Variants in CACNA1A observed in about 807,000 individuals in gnomAD.
CACNA1A encodes the protein calcium voltage-gated channel subunit alpha1 A.
CACNA1A carries 57 observed loss-of-function variants against 262.4 expected under a neutral mutation model. The ratio of observed to expected loss-of-function variants is 0.22; its 90% CI spans 0.18 to 0.27. The LOEUF is 0.27. Ranked by LOEUF, CACNA1A falls within the 10% of genes least tolerant of loss-of-function variation. The pLI, the probability that CACNA1A is intolerant of heterozygous loss-of-function variation, is 1.00. For synonymous variants in CACNA1A, 1,431 were observed against 1,419.3 expected (o/e 1.01, Z -0.18); for missense variants, 2,526 against 3,562.8 (o/e 0.71, Z 7.41).
intron 3 of CACNA1A, among the ~76,000 whole-genome samples, chr19:13,428,213 C>T (rs1206325424): frequency 6.6e-6 from 1 of 152,208 alleles, no homozygotes; most frequent in Non-Finnish European, 1.5e-5. Context: ...TAGGCGTGAG[C>T]CACTGCGCAG....
chr19:13,440,195 C>T (rs1016423865), intron 3 of CACNA1A, among the ~76,000 whole-genome samples: 1 of 152,008 alleles, frequency 6.6e-6, no homozygotes, highest in Non-Finnish European at 1.5e-5. Context: ...CTGGGCTTGG[C>T]TCAAGCTATC....
intron 3 of CACNA1A, among the ~76,000 whole-genome samples, chr19:13,386,181 T>A (rs1272038811): frequency 2.0e-5 from 3 of 147,252 alleles, no homozygotes; most frequent in East Asian, 4.0e-4. Context: ...AGAAGAAGAA[T>A]GGAAGACACA....
At chr19:13,487,472 T>C (rs2145109748) in intron 1 of CACNA1A, among the ~76,000 whole-genome samples, 1 of 151,926 alleles carries the variant, frequency 6.6e-6, no homozygotes, top group East Asian at 1.9e-4. Flanking sequence ...AGAAGATTAG[T>C]AGTTGCCAGG....
chr19:13,229,850 C>A, intron 36 of CACNA1A: 3 of 431,694 alleles, frequency 6.9e-6, no homozygotes, highest in Non-Finnish European at 1.2e-5. Flanking sequence ...GGTTGACGCC[C>A]TCCCTCATTT....
At chr19:13,336,584 A>AGAGAGAGAGGGAGG (rs1568547250) in intron 6 of CACNA1A, among the ~76,000 whole-genome samples, 13 of 101,880 alleles carry the variant, frequency 1.3e-4, no homozygotes, top group Admixed American at 2.5e-4. Flanking sequence ...AGAGAGACAG[A>AGAGAGAGAGGGAGG]GAGAGAGAGG....
chr19:13,286,889 C>G lies in CACNA1A; in HGVS notation c.3167G>C (p.Arg1056Pro), dbSNP rs200850308. 1 of 1,613,370 alleles carries G rather than the reference C, an allele frequency of 6.2e-7. No individual in the cohort carries two copies. Among genetic ancestry groups the G allele is most frequent in the Non-Finnish European group, 8.5e-7 (1 of 1,179,810 alleles). The change falls in exon 20 of 47, where the codon CGC (arginine) becomes CCC (proline). Residue 1056 changes from arginine to proline, a missense_variant. Transcript: ENST00000360228. The stretch of plus-strand genomic sequence containing the variant: ...ATCCTCTGCCAGGGGTGGGTCTTGG[C>G]GGCCCAGGTCCTGCTGGATTGGCCG... ...TTRPIQQDLGRQDPPLAEDID... is the reference protein window; with the variant it reads ...TTRPIQQDLGPQDPPLAEDID...
rs2055868333 is a variant in CACNA1A at position 13,236,219 on chromosome 19, G to T, written c.4951-489C>A. Among the ~76,000 whole-genome samples, 1 of 151,704 alleles carries T rather than the reference G, an allele frequency of 6.6e-6. No homozygotes were observed. Among genetic ancestry groups the T allele is most frequent in the Admixed American group, 6.6e-5 (1 of 15,224 alleles). On this transcript the variant is annotated intron_variant, in intron 31 of 46. Coordinates refer to ENST00000360228, the MANE Select transcript of CACNA1A (RefSeq NM_001127222.2). The surrounding 1 kb of genome is among the most constrained non-coding windows in gnomAD (Gnocchi z 4.6). ...ACGATGCACAAACACCAGGGCGGGGGTGGGGGTGGAGGTCGCCAGCACAGT... is the reference window on the plus strand; with the variant it reads ...ACGATGCACAAACACCAGGGCGGGGTTGGGGGTGGAGGTCGCCAGCACAGT...
intron 3 of CACNA1A, among the ~76,000 whole-genome samples, chr19:13,405,433 C>T (rs921292694): frequency 1.3e-5 from 2 of 151,742 alleles, no homozygotes; most frequent in Non-Finnish European, 2.9e-5. Context: ...CTCGAACTCC[C>T]GTGCTCAAGC....
chr19:13,303,583 G>T lies in CACNA1A; in HGVS notation c.2135C>A (p.Ala712Asp), dbSNP rs2057836308. Residue 712 changes from alanine to aspartate, a missense_variant, in exon 17 of 47, where the codon GCT becomes GAT. By Grantham distance (126) the Ala-to-Asp change is moderately radical. Coordinates refer to ENST00000360228, the MANE Select transcript of CACNA1A (RefSeq NM_001127222.2). Reference sequence around the variant, plus strand: ...CTGGGCGTTGGCCAGATTGTCCACAGCGATGGCCAAGAACACATTCAGGAG... The same window carrying T: ...CTGGGCGTTGGCCAGATTGTCCACATCGATGGCCAAGAACACATTCAGGAG... ...YTLLNVFLAIAVDNLANAQEL... is the reference protein window; with the variant it reads ...YTLLNVFLAIDVDNLANAQEL... The T allele has an allele frequency of 6.2e-7, 1 of 1,611,078 alleles. No homozygotes were observed. Among genetic ancestry groups the T allele is most frequent in the African/African-American group, 1.3e-5 (1 of 74,752 alleles).
intron 1 of CACNA1A, among the ~76,000 whole-genome samples, chr19:13,472,743 C>T (rs949127519): frequency 3.9e-5 from 6 of 152,156 alleles, no homozygotes; most frequent in African/African-American, 9.7e-5. Context: ...TAGTAGGTTA[C>T]TTATTTTATT....
intron 1 of CACNA1A, among the ~76,000 whole-genome samples, chr19:13,504,233 A>G (rs572780634): frequency 4.6e-5 from 7 of 152,256 alleles, no homozygotes; most frequent in East Asian, 1.9e-4. Flanking sequence ...GAGCACTTCA[A>G]TGGGCCTGGG....
chr19:13,216,364 GTC>G (rs2144549422), intron 38 of CACNA1A, among the ~76,000 whole-genome samples: 1 of 152,174 alleles, frequency 6.6e-6, no homozygotes, highest in East Asian at 1.9e-4. Flanking sequence ...TTGAGATGGA[GTC>G]TCGCTCTGTC....
intron 45 of CACNA1A, 22 bp downstream of exon 45, chr19:13,209,290 T>C: frequency 7.0e-7 from 1 of 1,435,500 alleles, no homozygotes; most frequent in Non-Finnish European, 9.1e-7. Context: ...TGCTTGTCCC[T>C]GAGCACCACA....
In CACNA1A at chr19:13,212,008, AG is replaced by A. The variant is rs3217380; in HGVS notation, c.6303+94del. Reference sequence around the variant, plus strand: ...GTCCCTACCCAGGCCTGAGTCCGGCAGGGAGGGGATGCACTGGGCTGCTTGT... The same window carrying A: ...GTCCCTACCCAGGCCTGAGTCCGGCAGGAGGGGATGCACTGGGCTGCTTGT... On this transcript the variant is annotated intron_variant, in intron 43 of 46. Coordinates refer to ENST00000360228, the MANE Select transcript of CACNA1A (RefSeq NM_001127222.2). This position sits in a 1 kb window ranked among gnomAD's most constrained non-coding sequence, Gnocchi z 5.6. 686,871 of 845,814 alleles carry A rather than the reference AG, an allele frequency of 0.81. 282,728 individuals carry two copies. Among genetic ancestry groups the A allele is most frequent in the Middle Eastern group, 0.85 (2,959 of 3,468 alleles). The allele number at this position is 845,814 out of a possible 1,614,324, so 52.4% of individuals were successfully genotyped here.
intron 6 of CACNA1A, among the ~76,000 whole-genome samples, chr19:13,354,526 C>T (rs1376670077): frequency 3.3e-5 from 5 of 152,178 alleles, no homozygotes; most frequent in African/African-American, 1.2e-4. Flanking sequence ...GCACCTTAGC[C>T]CCTGCACCCT....
At chr19:13,394,720 T>G (rs1293443333) in intron 3 of CACNA1A, among the ~76,000 whole-genome samples, 1 of 152,124 alleles carries the variant, frequency 6.6e-6, no homozygotes, top group Non-Finnish European at 1.5e-5. Context: ...ATAAGCAAAC[T>G]GTTGGGGCTC....
intron 22 of CACNA1A, 150 bp from the exon 23 acceptor site, chr19:13,277,278 A>C (rs1416438540): frequency 3.4e-6 from 2 of 582,342 alleles, no homozygotes; most frequent in African/African-American, 3.7e-5. Context: ...CGTGCACTGC[A>C]CAAGGGCCCC....
intron 7 of CACNA1A, among the ~76,000 whole-genome samples, chr19:13,335,317 T>A (rs1287006342): frequency 6.6e-6 from 1 of 152,140 alleles, no homozygotes; most frequent in African/African-American, 2.4e-5. Flanking sequence ...CCATGAGGTA[T>A]CCACGAGATT....
At chr19:13,237,950 G>T (rs541802508) in intron 31 of CACNA1A, among the ~76,000 whole-genome samples, 6 of 152,206 alleles carry the variant, frequency 3.9e-5, no homozygotes, top group South Asian at 2.1e-4. Context: ...GCCTCAGGAG[G>T]GGGGTTTGGA....
Sources: gnomAD v4.1 joint callset for allele counts (sites outside exome capture counted in the v4.1 genomes callset) on GRCh38, gnomAD v4.1.1 for gene constraint, Gnocchi (gnomAD v3.1) non-coding constraint, MANE v1.5 for transcripts, NCBI Gene and HGNC (gene_info 2026-07-23, HGNC 2026-07-21) for gene names.